The following PGAP4 variants were observed in gnomAD, a reference collection of about 807,000 sequenced individuals.
PGAP4 encodes post-GPI attachment to proteins GalNAc transferase 4.
Under a neutral mutation model 28.2 loss-of-function variants are expected in PGAP4, and 12 were observed. The observed-to-expected ratio is 0.42, with a 90% CI of 0.27 to 0.69. PGAP4 has a LOEUF of 0.69. Among genes scored for constraint, PGAP4 ranks in the 30% least tolerant of loss-of-function variants. The pLI is 0.22. For missense variants in PGAP4, 425 were observed against 513.5 expected (o/e 0.83, Z 1.67); for synonymous variants, 205 against 211.8 (o/e 0.97, Z 0.28).
chr9:101,515,272 C>A (rs1826933689), intron 2 of PGAP4, among the ~76,000 whole-genome samples: 1 of 152,120 alleles, frequency 6.6e-6, no homozygotes, highest in Non-Finnish European at 1.5e-5. Context: ...ACCTTTCATT[C>A]CCCTTCCTCT....
intron 2 of PGAP4, among the ~76,000 whole-genome samples, chr9:101,519,084 A>G (rs928292323): frequency 4.6e-5 from 7 of 152,014 alleles, no homozygotes; most frequent in South Asian, 2.1e-4. Flanking sequence ...ACACTTTTTC[A>G]TATGTTTATT....
At chr9:101,504,227 T>G (rs1467163779) in intron 2 of PGAP4, among the ~76,000 whole-genome samples, 2 of 142,826 alleles carry the variant, frequency 1.4e-5, no homozygotes, top group Non-Finnish European at 3.0e-5. Context: ...TTTTTTTTTT[T>G]TTTTTTTTTT....
intron 1 of PGAP4, among the ~76,000 whole-genome samples, chr9:101,484,782 A>G (rs1226582102): frequency 6.6e-6 from 1 of 152,216 alleles, no homozygotes; most frequent in African/African-American, 2.4e-5. Flanking sequence ...AGAATGTGTT[A>G]CAGCAGCTCA....
intron 2 of PGAP4, among the ~76,000 whole-genome samples, chr9:101,500,381 T>G (rs2118592223): frequency 6.6e-6 from 1 of 152,136 alleles, no homozygotes; most frequent in South Asian, 2.1e-4. Context: ...ACTGTAACCT[T>G]TTACATACAT....
intron 2 of PGAP4, among the ~76,000 whole-genome samples, chr9:101,519,034 G>A (rs1032877164): frequency 6.6e-6 from 1 of 152,066 alleles, no homozygotes; most frequent in African/African-American, 2.4e-5. Flanking sequence ...GTATCACATT[G>A]TGGTTTTGAT....
At chr9:101,507,359 T>A (rs1826856703) in intron 2 of PGAP4, among the ~76,000 whole-genome samples, 1 of 152,118 alleles carries the variant, frequency 6.6e-6, no homozygotes, top group African/African-American at 2.4e-5. Flanking sequence ...TGGGACATGA[T>A]CTAAGTGCTG....
chr9:101,523,882 C>T (rs1221426751), intron 2 of PGAP4, among the ~76,000 whole-genome samples: 1 of 151,814 alleles, frequency 6.6e-6, no homozygotes, highest in African/African-American at 2.4e-5. Flanking sequence ...GAGGCAAGGT[C>T]TAGGGTGGAA....
intron 2 of PGAP4, among the ~76,000 whole-genome samples, chr9:101,516,557 A>G (rs1437138809): frequency 6.6e-6 from 1 of 152,198 alleles, no homozygotes; most frequent in Non-Finnish European, 1.5e-5. Flanking sequence ...AATTTCAATG[A>G]TAAGTGGCTT....
At chr9:101,503,333 C>T (rs1826819848) in intron 2 of PGAP4, among the ~76,000 whole-genome samples, 1 of 151,890 alleles carries the variant, frequency 6.6e-6, no homozygotes, top group African/African-American at 2.4e-5. Context: ...ACTTCTTTCG[C>T]TTGAGAAGGT....
chr9:101,513,672 G>T lies in PGAP4; in HGVS notation c.-165+17676C>A, dbSNP rs531192517. The stretch of plus-strand genomic sequence containing the variant: ...GAGGAACAGAACCAATGGGATGGAT[G>T]GATGGACAGATAGGTAGATAGATAG... On this transcript the variant is annotated intron_variant, in intron 2 of 3. Transcript: ENST00000374851. Among the ~76,000 whole-genome samples the T allele has an allele frequency of 2.7e-5, 4 of 149,868 alleles. No individual in the cohort carries two copies. The South Asian group carries it at 8.5e-4, about 32-fold the overall frequency.
At chr9:101,500,336 A>G (rs951879955) in intron 2 of PGAP4, among the ~76,000 whole-genome samples, 5 of 151,918 alleles carry the variant, frequency 3.3e-5, no homozygotes, top group Admixed American at 2.0e-4. Context: ...GGGCTCTCAC[A>G]CATTTCTTGG....
intron 2 of PGAP4, among the ~76,000 whole-genome samples, chr9:101,516,800 T>C (rs933267761): frequency 6.6e-6 from 1 of 152,312 alleles, no homozygotes; most frequent in Non-Finnish European, 1.5e-5. Flanking sequence ...TTCCTTCATT[T>C]GATTATCCAT....
chr9:101,533,635 C>G (rs562566166), upstream of PGAP4: 46 of 152,384 alleles, frequency 3.0e-4, no homozygotes, highest in African/African-American at 1.1e-3. Context: ...CAAGGGCTCT[C>G]CGTCAGGCAT....
intron 2 of PGAP4, among the ~76,000 whole-genome samples, chr9:101,528,425 C>T (rs7019395): frequency 1.5e-3 from 233 of 152,202 alleles, no homozygotes; most frequent in African/African-American, 5.5e-3. Flanking sequence ...AGCTGAAATC[C>T]AGTTTTAGTC....
At chr9:101,521,631 T>G (rs12115517) in intron 2 of PGAP4, among the ~76,000 whole-genome samples, 22,629 of 152,064 alleles carry the variant, frequency 0.15, 2,072 homozygotes, top group African/African-American at 0.24. Context: ...CAATGGTCTA[T>G]CAATTTTATT....
chr9:101,475,816 A>C lies in PGAP4; in HGVS notation c.*65T>G. ...AAATACCTGCAGGCAACCATGTCTA[A>C]ATAAAGAGATAAATATTTGAATCTT... On this transcript the variant is annotated 3_prime_UTR_variant, in exon 2 of 2. Coordinates refer to ENST00000374848, the MANE Select transcript of PGAP4 (RefSeq NM_032342.3). 2 of 1,507,574 alleles carry C rather than the reference A, an allele frequency of 1.3e-6. No individual in the cohort carries two copies. Among genetic ancestry groups the C allele is most frequent in the Middle Eastern group, 3.5e-4 (2 of 5,634 alleles). 93.4% of individuals were successfully genotyped at this position (1,507,574 alleles called of 1,614,324 possible). A position where few individuals can be genotyped will look rare whatever the true frequency, so the allele number is the denominator to read the frequency against.
At chr9:101,477,744 T>C (rs1826368438) in intron 1 of PGAP4, among the ~76,000 whole-genome samples, 1 of 152,256 alleles carries the variant, frequency 6.6e-6, no homozygotes, top group Admixed American at 6.5e-5. Context: ...CTCACACAAC[T>C]ATACTTAACA....
upstream of PGAP4, among the ~76,000 whole-genome samples, chr9:101,487,772 A>G (rs35681249): frequency 0.09 from 13,659 of 152,266 alleles, 668 homozygotes; most frequent in Middle Eastern, 0.14. Flanking sequence ...GCAATATTTC[A>G]TGGTTAAAAA....
intron 2 of PGAP4, among the ~76,000 whole-genome samples, chr9:101,496,003 A>C (rs893669241): frequency 4.0e-5 from 6 of 151,538 alleles, no homozygotes; most frequent in African/African-American, 1.5e-4. Flanking sequence ...TGAGTGAACT[A>C]TATTATAGAG....
Sources: allele counts gnomAD v4.1 joint callset (sites outside exome capture counted in the v4.1 genomes callset), GRCh38; gene constraint gnomAD v4.1.1; transcripts MANE v1.5; gene names NCBI Gene and HGNC (gene_info 2026-07-23, HGNC 2026-07-21).